KLHL1: variants seen among roughly 807,000 people sequenced by gnomAD.
The protein encoded by KLHL1 is kelch like family member 1.
Under a neutral mutation model 77.7 loss-of-function variants are expected in KLHL1, and 47 were observed. The ratio of observed to expected loss-of-function variants is 0.60; its 90% CI spans 0.48 to 0.77. KLHL1 has a LOEUF of 0.77. Ranked by LOEUF, KLHL1 falls within the 30% of genes least tolerant of loss-of-function variation. KLHL1 has a pLI of 0.00. For synonymous variants in KLHL1, 360 were observed against 325.2 expected, an observed-to-expected ratio of 1.11 and a Z score of -1.15; for missense variants, 925 against 910.8, an observed-to-expected ratio of 1.02 and a Z score of -0.20.
At chr13:69,972,607 C>T (rs750195227) in intron 2 of KLHL1, among the ~76,000 whole-genome samples, 9 of 151,724 alleles carry the variant, frequency 5.9e-5, no homozygotes, top group African/African-American at 2.2e-4. Context: ...AAGTTTTTGG[C>T]GTATATCCTT....
intron 8 of KLHL1, among the ~76,000 whole-genome samples, chr13:69,729,455 T>C (rs757447411): frequency 1.3e-5 from 2 of 152,034 alleles, no homozygotes; most frequent in Non-Finnish European, 2.9e-5. Context: ...GAAAATAATA[T>C]TTAGGGAAAC....
At chr13:69,871,349 C>T (rs1430428879) in intron 5 of KLHL1, among the ~76,000 whole-genome samples, 1 of 152,184 alleles carries the variant, frequency 6.6e-6, no homozygotes, top group Non-Finnish European at 1.5e-5. Flanking sequence ...ATGGAAGGGG[C>T]TGCCTCCAGA....
chr13:69,914,520 T>C (rs1882354245), intron 4 of KLHL1, among the ~76,000 whole-genome samples: 1 of 152,120 alleles, frequency 6.6e-6, no homozygotes, highest in African/African-American at 2.4e-5. Context: ...GAAAATAACT[T>C]GACAGCAGAA....
At chr13:70,050,482 G>A (rs1015986327) in intron 1 of KLHL1, among the ~76,000 whole-genome samples, 3 of 151,718 alleles carry the variant, frequency 2.0e-5, no homozygotes, top group Admixed American at 1.3e-4. Context: ...TCTTCATAAA[G>A]AGTATGAGAA....
At chr13:69,977,058 C>T (rs547380846) in intron 1 of KLHL1, among the ~76,000 whole-genome samples, 1 of 152,060 alleles carries the variant, frequency 6.6e-6, no homozygotes, top group Admixed American at 6.6e-5. Context: ...TTAAGCTGAA[C>T]TTTTAATTGA....
At chr13:70,051,357 T>C (rs180862158) in intron 1 of KLHL1, among the ~76,000 whole-genome samples, 2 of 152,166 alleles carry the variant, frequency 1.3e-5, no homozygotes, top group East Asian at 1.9e-4. Flanking sequence ...ACATCTATTA[T>C]TGATAATTGC....
At chr13:69,901,143 T>C (rs1881840513) in intron 4 of KLHL1, among the ~76,000 whole-genome samples, 1 of 152,236 alleles carries the variant, frequency 6.6e-6, no homozygotes, top group African/African-American at 2.4e-5. Context: ...AAACAACATT[T>C]ACAGAGCACT....
chr13:69,793,528 A>T (rs1876967234), intron 7 of KLHL1, among the ~76,000 whole-genome samples: 1 of 151,990 alleles, frequency 6.6e-6, no homozygotes, highest in African/African-American at 2.4e-5. Context: ...AAAGGGAAAA[A>T]AGCTAGATAA....
intron 8 of KLHL1, among the ~76,000 whole-genome samples, chr13:69,720,319 T>C (rs1378379942): frequency 1.3e-5 from 2 of 152,160 alleles, no homozygotes; most frequent in Non-Finnish European, 2.9e-5. Flanking sequence ...TCCTTCCCCA[T>C]TTAATCATAG....
intron 4 of KLHL1, among the ~76,000 whole-genome samples, chr13:69,926,946 CAAAAAA>C (rs71116960): frequency 2.8e-5 from 1 of 36,032 alleles, no homozygotes; most frequent in African/African-American, 1.3e-4. Context: ...GACTCCATCT[CAAAAAA>C]AAAAAAAAAA....
At chr13:69,861,613 T>C (rs1880163070) in intron 5 of KLHL1, among the ~76,000 whole-genome samples, 1 of 151,776 alleles carries the variant, frequency 6.6e-6, no homozygotes, top group African/African-American at 2.4e-5. Flanking sequence ...TATGATTTCA[T>C]ATTTGGCCCA....
At chr13:69,782,526 G>A (rs1012809221) in intron 7 of KLHL1, among the ~76,000 whole-genome samples, 2 of 152,200 alleles carry the variant, frequency 1.3e-5, no homozygotes, top group African/African-American at 4.8e-5. Context: ...CCTGCACCTG[G>A]CTTGGAGGGT....
chr13:69,845,405 C>T (rs1879419683), intron 5 of KLHL1, among the ~76,000 whole-genome samples: 1 of 151,538 alleles, frequency 6.6e-6, no homozygotes, highest in South Asian at 2.1e-4. Flanking sequence ...AAAACTTACC[C>T]ACTTTGTCAT....
At chr13:69,979,651 A>G (rs544692288) in intron 1 of KLHL1, among the ~76,000 whole-genome samples, 6 of 152,248 alleles carry the variant, frequency 3.9e-5, no homozygotes, top group Non-Finnish European at 5.9e-5. Context: ...TTTCTTTCCA[A>G]TCGAAGAGTC....
intron 1 of KLHL1, among the ~76,000 whole-genome samples, chr13:70,050,269 G>A (rs531646777): frequency 7.9e-5 from 12 of 151,658 alleles, no homozygotes; most frequent in African/African-American, 2.7e-4. Context: ...TATTTCTGAC[G>A]CCTTCTTCCT....
At chr13:69,777,140 T>C (rs368497811) in intron 7 of KLHL1, among the ~76,000 whole-genome samples, 175 of 152,220 alleles carry the variant, frequency 1.1e-3, no homozygotes, top group African/African-American at 3.9e-3. Flanking sequence ...TCCCTGCACA[T>C]GCTCTCTTGT....
chr13:70,021,060 T>C (rs554456960), intron 1 of KLHL1, among the ~76,000 whole-genome samples: 3 of 152,200 alleles, frequency 2.0e-5, no homozygotes, highest in African/African-American at 7.2e-5. Context: ...TAGTTTATAT[T>C]TGGACTCACT....
chr13:69,848,442 G>A (rs1879557608), intron 5 of KLHL1, among the ~76,000 whole-genome samples: 1 of 151,546 alleles, frequency 6.6e-6, no homozygotes, highest in East Asian at 1.9e-4. Context: ...GTCCCTTTTA[G>A]CTTCAGTTAA....
chr13:69,808,603 A>T (rs9564620), intron 6 of KLHL1, among the ~76,000 whole-genome samples: 1 of 151,804 alleles, frequency 6.6e-6, no homozygotes, highest in African/African-American at 2.4e-5. Context: ...AAAGAAATAC[A>T]AAGTGTCAGC....
Sources: gnomAD v4.1 joint callset for allele counts (sites outside exome capture counted in the v4.1 genomes callset) on GRCh38, gnomAD v4.1.1 for gene constraint, MANE v1.5 for transcripts, NCBI Gene and HGNC (gene_info 2026-07-23, HGNC 2026-07-21) for gene names.